Variants in ATP8B2 observed in about 807,000 individuals in gnomAD.
ATP8B2 encodes the protein ATPase phospholipid transporting 8B2.
A neutral mutation model predicts 133.4 loss-of-function variants in ATP8B2; 70 were observed. That is an observed-to-expected ratio of 0.52 (90% CI 0.43 to 0.64). ATP8B2 has a LOEUF of 0.64. Ranked by LOEUF, ATP8B2 falls within the 30% of genes least tolerant of loss-of-function variation. The pLI is 0.00. For missense variants in ATP8B2, 1,101 were observed against 1,535.7 expected (o/e 0.72, Z 4.73); for synonymous variants, 517 against 589.5 (o/e 0.88, Z 1.78).
chr1:154,348,188 A>G (rs1170075467), intron 26 of ATP8B2, among the ~76,000 whole-genome samples: 1 of 152,136 alleles, frequency 6.6e-6, no homozygotes, highest in African/African-American at 2.4e-5. Flanking sequence ...GAAATTCAAG[A>G]TGCCTGGTAT....
In ATP8B2 at chr1:154,349,224, T is replaced by TC. The variant is rs1482055099; in HGVS notation, c.*112dup. 5.0e-6 allele frequency: 7 copies of TC among 1,391,822 alleles called. No individual in the cohort carries two copies. The highest frequency in any genetic ancestry group is 4.3e-5 in the African/African-American group (3 of 69,544). The allele number at this position is 1,391,822 out of a possible 1,614,324, so 86.2% of individuals were successfully genotyped here. A position where few individuals can be genotyped will look rare whatever the true frequency, so the allele number is the denominator to read the frequency against. On this transcript the variant is annotated 3_prime_UTR_variant, in exon 28 of 28. Coordinates refer to ENST00000368489, the MANE Select transcript of ATP8B2 (RefSeq NM_001370597.1). ...GCTGGTCCTCATTCCTTGCTTCCCG[T>TC]CCCCCCGGTAGACTCTGTCCTGCTG... is the stretch of plus-strand genomic sequence containing the variant.
Position 154,328,941 on chromosome 1 carries a change from G to A in ATP8B2, c.31+769G>A. ...GAGCCGCCCCGTCGATGCCACTAAG[G>A]CCAAGGACATATAGACGGTCTGCCC... On this transcript the variant is annotated intron_variant, in intron 2 of 27. Transcript: ENST00000368489. The surrounding 1 kb of genome is among the most constrained non-coding windows in gnomAD (Gnocchi z 4.6). The A allele has an allele frequency of 1.5e-6, 2 of 1,302,978 alleles. No homozygotes were observed. The highest frequency in any genetic ancestry group is 2.0e-6 in the Non-Finnish European group (2 of 988,500). 80.7% of individuals were successfully genotyped at this position (1,302,978 alleles called of 1,614,324 possible).
Position 154,328,052 on chromosome 1 carries a change from A to G in ATP8B2, c.-37-53A>G. 6.3e-7 allele frequency: 1 copy of G among 1,578,052 alleles called. No individual in the cohort carries two copies. The highest frequency in any genetic ancestry group is 8.7e-7 in the Non-Finnish European group (1 of 1,147,432). ...TCTTCAAAAGAGGTCTCATGAGGGG[A>G]GGGAAGGGTTATCCTCAGCTTCCTG... On this transcript the variant is annotated intron_variant, in intron 1 of 27. Transcript: ENST00000368489. The surrounding 1 kb of genome is among the most constrained non-coding windows in gnomAD (Gnocchi z 4.6).
At chr1:154,330,525 T>A in intron 3 of ATP8B2, 71 bp downstream of exon 3, 1 of 1,531,694 alleles carries the variant, frequency 6.5e-7, no homozygotes, top group Non-Finnish European at 9.0e-7. Flanking sequence ...CAACCTACCG[T>A]TGGGACTGAG....
At position 154,340,340 on chromosome 1, in the gene ATP8B2, G is replaced by T. The variant is rs994211884; in HGVS notation, c.1035-514G>T. On this transcript the variant is annotated intron_variant, in intron 12 of 27. Coordinates refer to ENST00000368489, the MANE Select transcript of ATP8B2 (RefSeq NM_001370597.1). This position sits in a 1 kb window ranked among gnomAD's most constrained non-coding sequence, Gnocchi z 4.0. ...GCCCCAAGCCCAGGGTGGAAGGAGC[G>T]CACCCAGCCTGTGGTGGGACAGTGA... Among the ~76,000 whole-genome samples, 2 of 152,102 alleles carry T rather than the reference G, an allele frequency of 1.3e-5. No individual in the cohort carries two copies.
Position 154,328,973 on chromosome 1 carries a change from A to G in ATP8B2, c.31+801A>G. 1 of 1,303,702 alleles carries G rather than the reference A, an allele frequency of 7.7e-7. No homozygotes were observed. Among genetic ancestry groups the G allele is most frequent in the Non-Finnish European group, 1.0e-6 (1 of 988,756 alleles). 80.8% of individuals were successfully genotyped at this position (1,303,702 alleles called of 1,614,324 possible). On this transcript the variant is annotated intron_variant, in intron 2 of 27. Coordinates refer to ENST00000368489, the MANE Select transcript of ATP8B2 (RefSeq NM_001370597.1). The surrounding 1 kb of genome is among the most constrained non-coding windows in gnomAD (Gnocchi z 4.6). ...ACATATAGACGGTCTGCCCTCCCCCACTCAAACCGGGATCATGACGGTCCC... is the reference window on the plus strand; with the variant it reads ...ACATATAGACGGTCTGCCCTCCCCCGCTCAAACCGGGATCATGACGGTCCC...
At chr1:154,329,079 AC>A in intron 2 of ATP8B2, 3 of 1,298,026 alleles carry the variant, frequency 2.3e-6, no homozygotes, top group Non-Finnish European at 3.0e-6. Flanking sequence ...GGGACAGGTA[AC>A]GGGAGGCAGC....
intron 3 of ATP8B2, 38 bp from the exon 4 acceptor site, chr1:154,330,777 C>T (rs1288054898): frequency 6.4e-7 from 1 of 1,555,270 alleles, no homozygotes; most frequent in Admixed American, 1.7e-5. Context: ...TGGGTTGGGA[C>T]TGGAGACTGC....
At position 154,343,549 on chromosome 1, in the gene ATP8B2, C is replaced by T; in HGVS notation, c.1739C>T (p.Thr580Ile). ...CACTCCACTCAAGAGCTGCTCAACA[C>T]CACCATGGACCACCTTAATGTGGGT... Reference protein sequence around the residue: ...LHHSTQELLNTTMDHLNEYAG... With the variant: ...LHHSTQELLNITMDHLNEYAG... Residue 580 changes from threonine (T) to isoleucine (I), a missense_variant, in exon 17 of 28, where the codon ACC becomes ATC. Transcript: ENST00000368489. This position sits in a 1 kb window ranked among gnomAD's most constrained non-coding sequence, Gnocchi z 5.8. 1.2e-6 allele frequency: 2 copies of T among 1,614,100 alleles called. No individual in the cohort carries two copies. Among genetic ancestry groups the T allele is most frequent in the African/African-American group, 1.3e-5 (1 of 75,030 alleles).
chr1:154,326,263 G>A (rs908496486), intron 1 of ATP8B2, among the ~76,000 whole-genome samples: 4 of 152,204 alleles, frequency 2.6e-5, no homozygotes, highest in South Asian at 2.1e-4. Context: ...CAGTGAGCTG[G>A]AGGTCTCGAG....
chr1:154,349,669 T>C lies in ATP8B2; in HGVS notation c.*551T>C, dbSNP rs573928251. On this transcript the variant is annotated 3_prime_UTR_variant, in exon 28 of 28. Transcript: ENST00000368489. ...GGAGGAGGCTTTTATGTGACTTTTA[T>C]GTTGTGGTTGGTGTCTTAACTCTCC... is the stretch of plus-strand genomic sequence containing the variant. The C allele has an allele frequency of 6.4e-6, 1 of 155,368 alleles. No homozygotes were observed. The highest frequency in any genetic ancestry group is 2.0e-4 in the South Asian group (1 of 4,976). The allele number at this position is 155,368 out of a possible 1,614,324, so 9.6% of individuals were successfully genotyped here. A position where few individuals can be genotyped will look rare whatever the true frequency, so the allele number is the denominator to read the frequency against.
At chr1:154,327,121 C>G (rs1164437764) in intron 1 of ATP8B2, among the ~76,000 whole-genome samples, 1 of 152,182 alleles carries the variant, frequency 6.6e-6, no homozygotes, top group Non-Finnish European at 1.5e-5. Flanking sequence ...AGAGCTTAGC[C>G]AGACAGGCAA....
At chr1:154,341,133 G>T in intron 13 of ATP8B2, 71 bp downstream of exon 13, 2 of 1,516,754 alleles carry the variant, frequency 1.3e-6, no homozygotes, top group African/African-American at 1.4e-5. Context: ...GGGCCCCACA[G>T]TTTCCTTAAC....
In ATP8B2 at chr1:154,344,054, G is replaced by C; in HGVS notation, c.1920G>C (p.Met640Ile). The change falls in exon 18 of 28, where the codon ATG becomes ATC. Residue 640 changes from methionine to isoleucine, a missense_variant. Physicochemically the swap from Met to Ile is conservative, Grantham distance 10. Transcript: ENST00000368489. The surrounding 1 kb of genome is among the most constrained non-coding windows in gnomAD (Gnocchi z 4.1). ...TCTATGAGGAGGTTGAGAACAACAT[G>C]ATGGTACGGGCTGCGGGACGGGCCA... ...ASIYEEVENN[M>I]MLLGATAIED... 2 of 1,614,018 alleles carry C rather than the reference G, an allele frequency of 1.2e-6. No individual in the cohort carries two copies. The highest frequency in any genetic ancestry group is 1.7e-6 in the Non-Finnish European group (2 of 1,179,854).
In ATP8B2 at chr1:154,344,427, A is replaced by G. The variant is rs1365973615; in HGVS notation, c.2068A>G (p.Met690Val). Residue 690 changes from methionine to valine, a missense_variant, in exon 20 of 28, where the codon ATG becomes GTG. Coordinates refer to ENST00000368489, the MANE Select transcript of ATP8B2 (RefSeq NM_001370597.1). This position sits in a 1 kb window ranked among gnomAD's most constrained non-coding sequence, Gnocchi z 4.1. ...TGTGAACATCGGCTATTCCTGCAAG[A>G]TGCTGACGGATGACATGACTGAGGT... is the stretch of plus-strand genomic sequence containing the variant. The part of the protein sequence containing the change: ...TAVNIGYSCK[M>V]LTDDMTEVFI... 2 of 1,614,152 alleles carry G rather than the reference A, an allele frequency of 1.2e-6. No individual in the cohort carries two copies. The highest frequency in any genetic ancestry group is 2.2e-5 in the South Asian group (2 of 91,078).
chr1:154,328,929 G>A lies in ATP8B2; in HGVS notation c.31+757G>A, dbSNP rs1048454701. ...CACCTCCCCGGGGAGCCGCCCCGTC[G>A]ATGCCACTAAGGCCAAGGACATATA... On this transcript the variant is annotated intron_variant, in intron 2 of 27. Transcript: ENST00000368489. This position sits in a 1 kb window ranked among gnomAD's most constrained non-coding sequence, Gnocchi z 4.6. The A allele has an allele frequency of 1.6e-6, 2 of 1,287,378 alleles. No homozygotes were observed. The highest frequency in any genetic ancestry group is 2.0e-6 in the Non-Finnish European group (2 of 981,798). 79.7% of individuals were successfully genotyped at this position (1,287,378 alleles called of 1,614,324 possible).
rs1304157321 is a variant in ATP8B2, at chr1:154,331,422, C to T, written c.304-22C>T. On this transcript the variant is annotated intron_variant, in intron 5 of 27. Coordinates refer to ENST00000368489, the MANE Select transcript of ATP8B2 (RefSeq NM_001370597.1). The surrounding 1 kb of genome is among the most constrained non-coding windows in gnomAD (Gnocchi z 4.8). ...TTCGAGGCGGGGGAAGGTGTCTTAC[C>T]TTTCAGTTTTCTTCTTTTCAGTTCC... 1 of 1,612,940 alleles carries T rather than the reference C, an allele frequency of 6.2e-7. No homozygotes were observed. The highest frequency in any genetic ancestry group is 2.2e-5 in the East Asian group (1 of 44,874).
In ATP8B2 at chr1:154,346,591, G is replaced by A. The variant is rs763988890; in HGVS notation, c.3025-29G>A. On this transcript the variant is annotated intron_variant, in intron 25 of 27. Coordinates refer to ENST00000368489, the MANE Select transcript of ATP8B2 (RefSeq NM_001370597.1). The surrounding 1 kb of genome is among the most constrained non-coding windows in gnomAD (Gnocchi z 4.5). Reference sequence around the variant, plus strand: ...GGGGGAAGGGGCTTTTAGGGCGTGCGCCTGCCTGACTATGCCTACTTTCTG... The same window carrying A: ...GGGGGAAGGGGCTTTTAGGGCGTGCACCTGCCTGACTATGCCTACTTTCTG... 9.9e-6 allele frequency: 16 copies of A among 1,613,792 alleles called. No individual in the cohort carries two copies. In the East Asian group the frequency reaches 1.1e-4, roughly 11 times the overall value.
intron 14 of ATP8B2, 120 bp downstream of exon 14, chr1:154,342,643 G>A: frequency 1.7e-5 from 24 of 1,441,454 alleles, no homozygotes; most frequent in Non-Finnish European, 2.3e-5. Flanking sequence ...AGAAATGGGT[G>A]TTTTAAGGCA....
Sources: gnomAD v4.1 joint callset for allele counts (sites outside exome capture counted in the v4.1 genomes callset) on GRCh38, gnomAD v4.1.1 for gene constraint, Gnocchi (gnomAD v3.1) non-coding constraint, MANE v1.5 for transcripts, NCBI Gene and HGNC (gene_info 2026-07-23, HGNC 2026-07-21) for gene names.